Variants in CHN1 observed in about 807,000 individuals in gnomAD.
CHN1 encodes the protein chimerin 1.
CHN1 carries 37 observed loss-of-function variants against 59.5 expected under a neutral mutation model. The observed-to-expected ratio is 0.62, with a 90% CI of 0.48 to 0.82. The LOEUF (loss-of-function observed/expected upper bound fraction) is 0.82. Ranked by LOEUF, CHN1 falls within the 40% of genes least tolerant of loss-of-function variation. The pLI is 0.00. For missense variants in CHN1, 469 were observed against 571.0 expected (o/e 0.82, Z 1.82); for synonymous variants, 206 against 200.4 (o/e 1.03, Z -0.24).
chr2:174,951,737 G>T (rs1260248295), intron 2 of CHN1, among the ~76,000 whole-genome samples: 2 of 152,164 alleles, frequency 1.3e-5, no homozygotes, highest in Non-Finnish European at 2.9e-5. Context: ...TTAAAAGTTA[G>T]ATCACCTTTT....
chr2:174,996,518 G>A (rs1691716525), intron 1 of CHN1, among the ~76,000 whole-genome samples: 1 of 152,096 alleles, frequency 6.6e-6, no homozygotes, highest in Non-Finnish European at 1.5e-5. Flanking sequence ...ATGGGATAAG[G>A]GAACAGCCCC....
intron 1 of CHN1, among the ~76,000 whole-genome samples, chr2:174,988,262 C>T (rs1434309866): frequency 6.7e-6 from 1 of 150,184 alleles, no homozygotes; most frequent in African/African-American, 2.5e-5. Context: ...GAGGCTGAGG[C>T]AGGAGAATGG....
chr2:174,978,554 A>C (rs1221892956), intron 1 of CHN1, among the ~76,000 whole-genome samples: 1 of 152,222 alleles, frequency 6.6e-6, no homozygotes. Flanking sequence ...CTTACTACAC[A>C]GGTAATGGCT....
rs958131338 is a variant in CHN1, at chr2:174,962,678, G to T, written c.20-10476C>A. Among the ~76,000 whole-genome samples, 19 of 86,910 alleles carry T rather than the reference G, an allele frequency of 2.2e-4. 1 individual carries two copies. Among genetic ancestry groups the T allele is most frequent in the African/African-American group, 4.0e-4 (10 of 24,826 alleles). 57.0% of individuals were successfully genotyped at this position (86,910 alleles called of 152,430 possible). On this transcript the variant is annotated intron_variant, in intron 1 of 12. Transcript: ENST00000409900. ...TTGGAAGGCCCGGGGGGGGGGGGGG[G>T]GGGGGCAGATCACCTGAGGTCAGGA...
intron 6 of CHN1, among the ~76,000 whole-genome samples, chr2:174,869,396 A>C (rs1466139016): frequency 6.6e-6 from 1 of 152,248 alleles, no homozygotes; most frequent in East Asian, 1.9e-4. Context: ...AATAAATAAA[A>C]AGAGGAAAAA....
intron 5 of CHN1, among the ~76,000 whole-genome samples, 169 bp downstream of exon 5, chr2:174,914,889 T>C (rs530032224): frequency 1.2e-4 from 18 of 151,856 alleles, no homozygotes; most frequent in Admixed American, 7.9e-4. Flanking sequence ...TACTGAGTGT[T>C]ACCATTCACG....
At chr2:174,852,262 T>A (rs192658342) in intron 6 of CHN1, among the ~76,000 whole-genome samples, 2 of 151,992 alleles carry the variant, frequency 1.3e-5, no homozygotes, top group Admixed American at 6.6e-5. Flanking sequence ...GGACTCCAGC[T>A]TGGGTGACAG....
intron 8 of CHN1, 76 bp from the exon 9 acceptor site, chr2:174,812,558 C>A: frequency 7.1e-7 from 1 of 1,400,156 alleles, no homozygotes; most frequent in Non-Finnish European, 9.9e-7. Flanking sequence ...TTAATTTTAG[C>A]AAAAGGCACT....
chr2:174,933,612 T>A (rs1275244310), intron 3 of CHN1, among the ~76,000 whole-genome samples: 1 of 152,170 alleles, frequency 6.6e-6, no homozygotes, highest in Non-Finnish European at 1.5e-5. Context: ...CACTTTGAAA[T>A]ATTTTCTACA....
intron 1 of CHN1, among the ~76,000 whole-genome samples, chr2:174,996,784 C>G (rs1349742032): frequency 6.6e-6 from 1 of 152,200 alleles, no homozygotes; most frequent in Non-Finnish European, 1.5e-5. Flanking sequence ...CAGCTTTCCC[C>G]TTGCTGACTC....
intron 6 of CHN1, among the ~76,000 whole-genome samples, chr2:174,848,332 T>C (rs1686610184): frequency 6.6e-6 from 1 of 152,168 alleles, no homozygotes; most frequent in African/African-American, 2.4e-5. Flanking sequence ...CATATACTTT[T>C]TGTTTGCTGG....
At chr2:174,846,409 A>G in intron 7 of CHN1, 5 of 1,543,620 alleles carry the variant, frequency 3.2e-6, no homozygotes, top group Non-Finnish European at 4.4e-6. Flanking sequence ...ATCATGGTCA[A>G]TTCATTAACA....
chr2:174,842,706 GCA>G (rs1385369706), intron 7 of CHN1, among the ~76,000 whole-genome samples: 4 of 152,204 alleles, frequency 2.6e-5, no homozygotes, highest in Non-Finnish European at 5.9e-5. Context: ...TCACCAGACA[GCA>G]CAGTGTCCAG....
intron 5 of CHN1, among the ~76,000 whole-genome samples, chr2:174,879,935 C>G (rs1038558705): frequency 6.6e-6 from 1 of 152,128 alleles, no homozygotes; most frequent in Non-Finnish European, 1.5e-5. Context: ...GGGAAGATGG[C>G]TGCACTGGGA....
chr2:174,915,156 G>A lies in CHN1; in HGVS notation c.162C>T (p.Ile54=). 1 of 1,610,086 alleles carries A rather than the reference G, an allele frequency of 6.2e-7. No homozygotes were observed. Among genetic ancestry groups the A allele is most frequent in the Non-Finnish European group, 8.5e-7 (1 of 1,178,116 alleles). The part of the protein sequence containing the change: ...KYYGREFHGM[I]SREAADQLLI... ...AGAGCTGGTCGGCTGCTTCTCTGGA[G>A]ATCATGCCATGAAACCTAAGAAACA... The change falls in exon 5 of 13, where the codon ATC becomes ATT. Residue 54 remains isoleucine, a synonymous_variant. Transcript: ENST00000409900.
Position 174,986,799 on chromosome 2 carries a change from C to T in CHN1, c.19+18095G>A, listed in dbSNP as rs572936329. ...TTGCCCAGGCTGGAGTGCAATGGCG[C>T]GATCTGGGCTCAGTGCAACCTCTGC... On this transcript the variant is annotated intron_variant, in intron 1 of 12. Coordinates refer to ENST00000409900, the MANE Select transcript of CHN1 (RefSeq NM_001822.7). Among the ~76,000 whole-genome samples, 17 of 152,346 alleles carry T rather than the reference C, an allele frequency of 1.1e-4. No individual in the cohort carries two copies. In the South Asian group the frequency reaches 1.4e-3, roughly 13 times the overall value.
At chr2:174,822,189 T>C (rs1685520624) in intron 8 of CHN1, among the ~76,000 whole-genome samples, 1 of 152,202 alleles carries the variant, frequency 6.6e-6, no homozygotes, top group Admixed American at 6.5e-5. Flanking sequence ...ATTAATATGG[T>C]TCAAATCACA....
In CHN1 at chr2:174,799,433, C is replaced by T. The variant is rs187296138; in HGVS notation, c.*683G>A. ...AAAGCCAATTTAATAAATTAATAAA[C>T]GCATGCCAGAAAAAATACCAAATTA... On this transcript the variant is annotated 3_prime_UTR_variant, in exon 13 of 13. Transcript: ENST00000409900. The T allele has an allele frequency of 1.3e-4, 60 of 459,088 alleles. No individual in the cohort carries two copies. Among genetic ancestry groups the T allele is most frequent in the African/African-American group, 8.0e-4 (40 of 49,844 alleles). 28.4% of individuals were successfully genotyped at this position (459,088 alleles called of 1,614,324 possible).
chr2:174,964,038 A>G (rs1332255730), intron 1 of CHN1, among the ~76,000 whole-genome samples: 2 of 152,234 alleles, frequency 1.3e-5, no homozygotes, highest in Admixed American at 1.3e-4. Flanking sequence ...CTTGTCAGAG[A>G]ATTTTTTCAT....
Sources: gnomAD v4.1 joint callset for allele counts (sites outside exome capture counted in the v4.1 genomes callset) on GRCh38, gnomAD v4.1.1 for gene constraint, MANE v1.5 for transcripts, NCBI Gene and HGNC (gene_info 2026-07-23, HGNC 2026-07-21) for gene names.